Variants in CHCHD3 observed in about 807,000 individuals in gnomAD.
CHCHD3 encodes MICOS complex subunit MIC19.
Under a neutral mutation model 38.2 loss-of-function variants are expected in CHCHD3, and 20 were observed. That is an observed-to-expected ratio of 0.52 (90% CI 0.37 to 0.76). The LOEUF (loss-of-function observed/expected upper bound fraction) is 0.76, where lower values mean the gene tolerates loss of function less well. CHCHD3 is among the 30% of genes least tolerant of loss of function. CHCHD3 has a pLI of 0.00. For synonymous variants in CHCHD3, 82 were observed against 100.0 expected (o/e 0.82, Z 1.07); for missense variants, 245 against 279.2 (o/e 0.88, Z 0.87).
intron 1 of CHCHD3, among the ~76,000 whole-genome samples, chr7:133,076,160 A>G (rs1403354327): frequency 1.3e-5 from 2 of 151,780 alleles, no homozygotes; most frequent in African/African-American, 4.8e-5. Flanking sequence ...ACAATGACCT[A>G]TACCTATTAT....
intron 6 of CHCHD3, among the ~76,000 whole-genome samples, chr7:132,824,957 C>T (rs1158145765): frequency 1.3e-5 from 2 of 152,172 alleles, no homozygotes; most frequent in African/African-American, 4.8e-5. Context: ...GTTTTGGTCA[C>T]TTTTTATATT....
rs1807921784 is a variant in CHCHD3 at position 132,840,853 on chromosome 7, G to A, written c.454-2384C>T. On this transcript the variant is annotated intron_variant, in intron 5 of 7. Transcript: ENST00000262570. Reference sequence around the variant, plus strand: ...TCTCTGCTTTGCCATGCCAAATGCAGTAAAATTATTACTAATTTTGTTAAC... The same window carrying A: ...TCTCTGCTTTGCCATGCCAAATGCAATAAAATTATTACTAATTTTGTTAAC... Among the ~76,000 whole-genome samples, 3 of 152,120 alleles carry A rather than the reference G, an allele frequency of 2.0e-5. No homozygotes were observed. In the South Asian group the frequency reaches 6.2e-4, roughly 31 times the overall value.
At chr7:132,815,734 C>T in intron 6 of CHCHD3, 2 of 332,434 alleles carry the variant, frequency 6.0e-6, no homozygotes, top group Non-Finnish European at 5.9e-6. Flanking sequence ...CTCTCTTCCT[C>T]CTTTCTCTCC....
chr7:132,906,436 C>T (rs1809807139), intron 4 of CHCHD3, among the ~76,000 whole-genome samples: 1 of 152,162 alleles, frequency 6.6e-6, no homozygotes, highest in Non-Finnish European at 1.5e-5. Flanking sequence ...CACCTCTTTC[C>T]TGAAAGATGA....
At chr7:133,018,783 C>A (rs781719906) in intron 3 of CHCHD3, among the ~76,000 whole-genome samples, 1 of 150,638 alleles carries the variant, frequency 6.6e-6, no homozygotes, top group Non-Finnish European at 1.5e-5. Flanking sequence ...AAAAGGTTAT[C>A]ATGATTTTCC....
intron 6 of CHCHD3, among the ~76,000 whole-genome samples, chr7:132,811,606 C>T (rs1807071390): frequency 6.6e-6 from 1 of 152,192 alleles, no homozygotes; most frequent in Non-Finnish European, 1.5e-5. Context: ...GATAGAACTG[C>T]TCTTGCTAAA....
intron 5 of CHCHD3, among the ~76,000 whole-genome samples, chr7:132,877,785 T>C (rs904441519): frequency 5.3e-5 from 8 of 152,090 alleles, no homozygotes; most frequent in Non-Finnish European, 1.2e-4. Context: ...TGCCCTGATC[T>C]CCACATGAAT....
At chr7:133,008,898 T>C (rs1045223704) in intron 3 of CHCHD3, among the ~76,000 whole-genome samples, 2 of 151,340 alleles carry the variant, frequency 1.3e-5, no homozygotes, top group African/African-American at 4.9e-5. Context: ...CAAAAAGCTG[T>C]CTAAAGCTGA....
At chr7:132,807,908 T>G (rs1266831696) in intron 6 of CHCHD3, among the ~76,000 whole-genome samples, 1 of 152,036 alleles carries the variant, frequency 6.6e-6, no homozygotes, top group Admixed American at 6.6e-5. Flanking sequence ...GAAATTGCTG[T>G]AATGAAGTTT....
intron 4 of CHCHD3, among the ~76,000 whole-genome samples, chr7:132,968,492 T>C (rs1276656011): frequency 6.6e-6 from 1 of 152,210 alleles, no homozygotes; most frequent in African/African-American, 2.4e-5. Flanking sequence ...AACTTCATTT[T>C]TGGAATTCAA....
At chr7:132,938,513 T>C (rs1810684583) in intron 4 of CHCHD3, among the ~76,000 whole-genome samples, 1 of 152,084 alleles carries the variant, frequency 6.6e-6, no homozygotes, top group Non-Finnish European at 1.5e-5. Context: ...TGAAATTTAA[T>C]TTTGGAAATC....
intron 6 of CHCHD3, among the ~76,000 whole-genome samples, chr7:132,816,835 T>G (rs934667565): frequency 1.3e-5 from 2 of 152,186 alleles, no homozygotes; most frequent in East Asian, 3.9e-4. Flanking sequence ...TTTCATTCTA[T>G]TGCTTGAGAG....
chr7:133,046,445 A>G (rs1419713802), intron 2 of CHCHD3, among the ~76,000 whole-genome samples: 1 of 152,254 alleles, frequency 6.6e-6, no homozygotes, highest in African/African-American at 2.4e-5. Flanking sequence ...CTTTGAAATA[A>G]TAGTAGTTAA....
At chr7:133,061,316 C>A (rs1814503222) in intron 2 of CHCHD3, among the ~76,000 whole-genome samples, 1 of 151,990 alleles carries the variant, frequency 6.6e-6, no homozygotes, top group Non-Finnish European at 1.5e-5. Context: ...GGTGGCCAGA[C>A]TAGGGCAATG....
intron 7 of CHCHD3, among the ~76,000 whole-genome samples, chr7:132,795,822 A>G (rs1806595410): frequency 6.6e-6 from 1 of 152,246 alleles, no homozygotes; most frequent in African/African-American, 2.4e-5. Context: ...TTAGCTTTCT[A>G]AAGTACATAA....
At chr7:132,917,715 C>T (rs1810143836) in intron 4 of CHCHD3, among the ~76,000 whole-genome samples, 1 of 151,742 alleles carries the variant, frequency 6.6e-6, no homozygotes, top group African/African-American at 2.4e-5. Context: ...AAAAATTAGC[C>T]GGGTGTGTTG....
intron 4 of CHCHD3, among the ~76,000 whole-genome samples, chr7:132,968,730 G>T (rs1208815215): frequency 1.3e-5 from 2 of 152,160 alleles, no homozygotes; most frequent in Non-Finnish European, 2.9e-5. Flanking sequence ...TAATTTCAGT[G>T]ATACTAAAAA....
intron 2 of CHCHD3, among the ~76,000 whole-genome samples, chr7:133,036,267 T>C (rs1200535568): frequency 6.6e-6 from 1 of 152,224 alleles, no homozygotes; most frequent in African/African-American, 2.4e-5. Context: ...TAAATGATTG[T>C]AACATTTTTA....
At chr7:132,921,982 A>C (rs1178831782) in intron 4 of CHCHD3, among the ~76,000 whole-genome samples, 3 of 152,264 alleles carry the variant, frequency 2.0e-5, no homozygotes, top group African/African-American at 7.2e-5. Flanking sequence ...TCACGGCTAG[A>C]AACAGTCCAT....
Sources: gnomAD v4.1 joint callset for allele counts (sites outside exome capture counted in the v4.1 genomes callset) on GRCh38, gnomAD v4.1.1 for gene constraint, MANE v1.5 for transcripts, NCBI Gene and HGNC (gene_info 2026-07-23, HGNC 2026-07-21) for gene names.